The following CLCNKA variants were observed in gnomAD, a reference collection of about 807,000 sequenced individuals.
CLCNKA encodes the protein chloride channel protein ClC-Ka.
In CLCNKA, 66 loss-of-function variants were observed where a neutral mutation model predicts 83.3. The ratio of observed to expected loss-of-function variants is 0.79; its 90% confidence interval spans 0.65 to 0.97. CLCNKA has a LOEUF of 0.97. Ranked by LOEUF, CLCNKA falls within the 50% of genes least tolerant of loss-of-function variation. CLCNKA has a pLI of 0.00. For synonymous variants in CLCNKA, 357 were observed against 370.4 expected (o/e 0.96, Z 0.42); for missense variants, 806 against 888.7 (o/e 0.91, Z 1.18).
Position 16,029,979 on chromosome 1 carries a change from C to T in CLCNKA, c.1312C>T (p.Arg438Cys), listed in dbSNP as rs774531549. The change falls in exon 14 of 20, where the codon CGC becomes TGC. Residue 438 changes from arginine (R) to cysteine (C), a missense_variant. Transcript: ENST00000331433. ...PIFILGAAIG[R>C]LLGEALAVAF... ...TCTGTGGCCAGGAGCTGCCATCGGG[C>T]GCCTCTTGGGAGAGGCTCTTGCCGT... The T allele has an allele frequency of 5.8e-5, 93 of 1,611,258 alleles. No individual in the cohort carries two copies. The highest frequency in any genetic ancestry group is 7.5e-5 in the Non-Finnish European group (88 of 1,177,824).
In CLCNKA at chr1:16,030,442, T is replaced by G; in HGVS notation, c.1409-19T>G. The G allele has an allele frequency of 6.2e-7, 1 of 1,612,064 alleles. No individual in the cohort carries two copies. Among genetic ancestry groups the G allele is most frequent in the Non-Finnish European group, 8.5e-7 (1 of 1,179,798 alleles). On this transcript the variant is annotated intron_variant, in intron 14 of 19. Transcript: ENST00000331433. ...CTGCCTCCTGGCCTGAGCCGACCTGTGTGGCTCTGCCCCGGCAGGGGCTGC... is the reference window on the plus strand; with the variant it reads ...CTGCCTCCTGGCCTGAGCCGACCTGGGTGGCTCTGCCCCGGCAGGGGCTGC...
Position 16,032,300 on chromosome 1 carries a change from T to A in CLCNKA, c.1845+9T>A, listed in dbSNP as rs1421190218. ...GGGCTCCAGGACACCAGGTGGTTAC[T>A]CCTGAGGGGCGTGGGGATGGGGCGG... On this transcript the variant is annotated intron_variant, in intron 17 of 19. Transcript: ENST00000331433. 1 of 778,612 alleles carries A rather than the reference T, an allele frequency of 1.3e-6. No homozygotes were observed. The highest frequency in any genetic ancestry group is 2.1e-6 in the Non-Finnish European group (1 of 487,082). 48.2% of individuals were successfully genotyped at this position (778,612 alleles called of 1,614,324 possible).
chr1:16,024,202 T>A (rs1477287420), intron 3 of CLCNKA, among the ~76,000 whole-genome samples: 1 of 152,226 alleles, frequency 6.6e-6, no homozygotes, highest in Non-Finnish European at 1.5e-5. Flanking sequence ...ACCCCGTTCC[T>A]TCTCCTTCCC....
chr1:16,026,808 C>G (rs560019715), intron 7 of CLCNKA, 33 bp downstream of exon 7: 13 of 1,611,900 alleles, frequency 8.1e-6, no homozygotes, highest in Non-Finnish European at 1.0e-5. Flanking sequence ...CCCCCTGGGT[C>G]CCTCAAGCTC....
At chr1:16,025,638 G>A (rs1444365974) in intron 4 of CLCNKA, among the ~76,000 whole-genome samples, 2 of 152,026 alleles carry the variant, frequency 1.3e-5, no homozygotes, top group African/African-American at 4.8e-5. Context: ...AATGAGCCGA[G>A]ATCGAACCAC....
In CLCNKA at chr1:16,026,919, C is replaced by T. The variant is rs915144538; in HGVS notation, c.655+144C>T. 7.2e-6 allele frequency: 8 copies of T among 1,111,668 alleles called. 1 individual carries two copies. The South Asian group carries it at 8.4e-5, about 12-fold the overall frequency. 68.9% of individuals were successfully genotyped at this position (1,111,668 alleles called of 1,614,324 possible). A position where few individuals can be genotyped will look rare whatever the true frequency, so the allele number is the denominator to read the frequency against. ...TTCAGCCCCGCTTTGGGTATAGCCA[C>T]CCCCCGGGGGCGGCGGGGCGGGGCG... On this transcript the variant is annotated intron_variant, in intron 7 of 19. Transcript: ENST00000331433.
rs1183757344 is a variant in CLCNKA, at chr1:16,032,260, C to A, written c.1814C>A (p.Ala605Asp). Reference sequence around the variant, plus strand: ...GCCCAGCTGGTGCAGGCCCTCCAGGCTGAGCCTCCTTCCAGGGCTCCAGGA... The same window carrying A: ...GCCCAGCTGGTGCAGGCCCTCCAGGATGAGCCTCCTTCCAGGGCTCCAGGA... ...QRAQLVQALQ[A>D]EPPSRAPGHQ... Residue 605 changes from alanine to aspartate, a missense_variant, in exon 17 of 20, where the codon GCT becomes GAT. By Grantham distance (126) the Ala-to-Asp change is moderately radical. Transcript: ENST00000331433. The A allele has an allele frequency of 7.0e-6, 11 of 1,572,212 alleles. No homozygotes were observed. Among genetic ancestry groups the A allele is most frequent in the Non-Finnish European group, 7.8e-6 (9 of 1,155,220 alleles).
At position 16,028,102 on chromosome 1, in the gene CLCNKA, C is replaced by T; in HGVS notation, c.951C>T (p.Ser317=). The part of the protein sequence containing the change: ...LSFIKTNRYS[S]KLLATSKPVY... ...TCATCAAGACCAATCGGTACAGCTC[C>T]AAACTGCTGGCTACTAGGTAGGCTC... is the stretch of plus-strand genomic sequence containing the variant. The change falls in exon 10 of 20, where the codon TCC becomes TCT. Residue 317 remains serine (S), a synonymous_variant. Transcript: ENST00000331433. 6.4e-7 allele frequency: 1 copy of T among 1,560,468 alleles called. No homozygotes were observed. The highest frequency in any genetic ancestry group is 8.8e-7 in the Non-Finnish European group (1 of 1,131,936).
chr1:16,028,792 C>G lies in CLCNKA; in HGVS notation c.1000C>G (p.Leu334Val), dbSNP rs45588635. 43,145 of 1,614,148 alleles carry G rather than the reference C, an allele frequency of 0.027. 762 individuals are homozygous for G. The highest frequency in any genetic ancestry group is 0.048 in the Middle Eastern group (293 of 6,062). ...TGTGTACTCCGCTCTGGCCACCTTGCTTCTCGCCTCCATCACCTACCCGCC... is the reference window on the plus strand; with the variant it reads ...TGTGTACTCCGCTCTGGCCACCTTGGTTCTCGCCTCCATCACCTACCCGCC... ...KPVYSALATL[L>V]LASITYPPGV... The change falls in exon 11 of 20, where the codon CTT becomes GTT. Residue 334 changes from leucine (L) to valine (V), a missense_variant. Leu to Val is a conservative substitution (Grantham distance 32). Coordinates refer to ENST00000331433, the MANE Select transcript of CLCNKA (RefSeq NM_004070.4).
In CLCNKA at chr1:16,028,119, G is replaced by C. The variant is rs773710484; in HGVS notation, c.968G>C (p.Ser323Thr). 3 of 1,542,318 alleles carry C rather than the reference G, an allele frequency of 1.9e-6. No individual in the cohort carries two copies. The Admixed American group carries it at 5.1e-5, about 26-fold the overall frequency. ...NRYSSKLLAT[S>T]KPVYSALATL... ...TACAGCTCCAAACTGCTGGCTACTA[G>C]GTAGGCTCTGGGCTAGGGGCTGGGG... Residue 323 changes from serine (S) to threonine (T), a missense_variant and splice_region_variant, in exon 10 of 20, where the codon AGC (serine) becomes ACC (threonine). Transcript: ENST00000331433.
chr1:16,027,968 G>T (rs760519796), intron 9 of CLCNKA, 50 bp from the exon 10 acceptor site: 1 of 1,614,042 alleles, frequency 6.2e-7, no homozygotes. Context: ...CTGGACTGCG[G>T]CCCCTGGTAC....
intron 15 of CLCNKA, 54 bp from the exon 16 acceptor site, chr1:16,031,656 C>A (rs1466008660): frequency 6.2e-7 from 1 of 1,612,870 alleles, no homozygotes; most frequent in Non-Finnish European, 8.5e-7. Flanking sequence ...CCCTTGCTGG[C>A]CTGGGTCTGA....
rs201587330 is a variant in CLCNKA at position 16,028,003 on chromosome 1, C to T, written c.867-15C>T. On this transcript the variant is annotated splice_polypyrimidine_tract_variant and intron_variant, in intron 9 of 19. Coordinates refer to ENST00000331433, the MANE Select transcript of CLCNKA (RefSeq NM_004070.4). ...CTGGGGTCAGGCTCTGGTCTTACCTCCCTTCACCCCGCAGTGGCATCTGCG... is the reference window on the plus strand; with the variant it reads ...CTGGGGTCAGGCTCTGGTCTTACCTTCCTTCACCCCGCAGTGGCATCTGCG... 3.1e-6 allele frequency: 5 copies of T among 1,613,936 alleles called. No individual in the cohort carries two copies. In the East Asian group the frequency reaches 6.7e-5, roughly 22 times the overall value.
chr1:16,026,902 C>G, intron 7 of CLCNKA, 127 bp downstream of exon 7: 2 of 1,337,726 alleles, frequency 1.5e-6, no homozygotes, highest in Non-Finnish European at 2.1e-6. Context: ...ACTTCAGCCC[C>G]GCTTTGGGTA....
At chr1:16,030,413 GCCCC>G in intron 14 of CLCNKA, 44 bp from the exon 15 acceptor site, 1 of 1,606,082 alleles carries the variant, frequency 6.2e-7, no homozygotes. Context: ...CATCAGGCTG[GCCCC>G]TGCCTCCTGG....
intron 12 of CLCNKA, among the ~76,000 whole-genome samples, chr1:16,029,527 A>G (rs1317844076): frequency 6.6e-6 from 1 of 152,184 alleles, no homozygotes; most frequent in Non-Finnish European, 1.5e-5. Flanking sequence ...GAAGGAAGAA[A>G]GGAATGTACC....
chr1:16,029,624 C>T, intron 12 of CLCNKA, 107 bp from the exon 13 acceptor site: 2 of 1,422,998 alleles, frequency 1.4e-6, no homozygotes, highest in East Asian at 2.3e-5. Context: ...GCATGGCTGG[C>T]ACCCTCTTTC....
rs1336547375 is a variant in CLCNKA, at chr1:16,029,814, C to T, written c.1297+14C>T. On this transcript the variant is annotated intron_variant, in intron 13 of 19. Transcript: ENST00000331433. ...TCTTTATCCTTGGTGAGTCTGGGGT[C>T]CTGAGGTTCTGAGAGTTTTGGGGTT... is the stretch of plus-strand genomic sequence containing the variant. 1.2e-6 allele frequency: 2 copies of T among 1,613,946 alleles called. No homozygotes were observed. The highest frequency in any genetic ancestry group is 4.5e-5 in the East Asian group (2 of 44,874).
Position 16,024,869 on chromosome 1 carries a change from G to C in CLCNKA, c.336G>C (p.Gln112His). Residue 112 changes from glutamine (Q) to histidine (H), a missense_variant, in exon 4 of 20, where the codon CAG becomes CAC. Physicochemically the swap from Gln to His is conservative, Grantham distance 24 (BLOSUM62 0). Coordinates refer to ENST00000331433, the MANE Select transcript of CLCNKA (RefSeq NM_004070.4). ...ALVSFSSGFS[Q>H]SITPSSGGSG... ...TCTCTTTCTCCTCAGGCTTCTCCCA[G>C]AGCATCACGCCCTCCTCTGGAGGTG... 1.9e-6 allele frequency: 3 copies of C among 1,614,140 alleles called. No homozygotes were observed. The highest frequency in any genetic ancestry group is 2.7e-5 in the African/African-American group (2 of 75,060).
Sources: allele counts gnomAD v4.1 joint callset (sites outside exome capture counted in the v4.1 genomes callset), GRCh38; gene constraint gnomAD v4.1.1; transcripts MANE v1.5; gene names NCBI Gene and HGNC (gene_info 2026-07-23, HGNC 2026-07-21).